The following ATAD2 variants were observed in gnomAD, a reference collection of about 807,000 sequenced individuals.
The protein encoded by ATAD2 is ATPase family AAA domain-containing protein 2.
Under a neutral mutation model 168.9 loss-of-function variants are expected in ATAD2, and 62 were observed. That is an observed-to-expected ratio of 0.37 (90% CI 0.30 to 0.45). The LOEUF (loss-of-function observed/expected upper bound fraction) is 0.45, where lower values mean the gene tolerates loss of function less well. ATAD2 is among the 20% of genes least tolerant of loss of function. ATAD2 has a pLI of 1.00. For missense variants in ATAD2, 1,419 were observed against 1,667.8 expected, an observed-to-expected ratio of 0.85 and a Z score of 2.60; for synonymous variants, 613 against 571.6, an observed-to-expected ratio of 1.07 and a Z score of -1.03.
upstream of ATAD2, among the ~76,000 whole-genome samples, chr8:123,396,771 C>A (rs972162246): frequency 6.6e-6 from 1 of 152,118 alleles, no homozygotes; most frequent in South Asian, 2.1e-4. Context: ...GGCCTCTGCG[C>A]GCTCTGATTG....
At chr8:123,350,921 C>T (rs189151324) in intron 13 of ATAD2, among the ~76,000 whole-genome samples, 4 of 151,400 alleles carry the variant, frequency 2.6e-5, no homozygotes, top group African/African-American at 7.3e-5. Flanking sequence ...TTAGTAGAGA[C>T]GAGATTTCAC....
At chr8:123,325,869 G>A (rs1220131759) in intron 26 of ATAD2, 24 bp downstream of exon 26, 5 of 1,611,724 alleles carry the variant, frequency 3.1e-6, no homozygotes, top group Non-Finnish European at 4.2e-6. Context: ...CAGAGTAAAA[G>A]CATTATGATT....
Position 123,372,634 on chromosome 8 carries a change from T to G in ATAD2, c.370+3A>C. Reference sequence around the variant, plus strand: ...GATCTGAAATGACTTTAACAGTACTTACCTTCTCTGTGCTCTTCTTTTTTT... The same window carrying G: ...GATCTGAAATGACTTTAACAGTACTGACCTTCTCTGTGCTCTTCTTTTTTT... On this transcript the variant is annotated splice_donor_region_variant and intron_variant, in intron 3 of 27. Transcript: ENST00000287394. 1 of 1,586,396 alleles carries G rather than the reference T, an allele frequency of 6.3e-7. No individual in the cohort carries two copies. The highest frequency in any genetic ancestry group is 1.7e-4 in the Middle Eastern group (1 of 5,946).
intron 19 of ATAD2, among the ~76,000 whole-genome samples, chr8:123,343,534 CT>C (rs1218309574): frequency 2.6e-5 from 4 of 152,102 alleles, no homozygotes; most frequent in African/African-American, 9.7e-5. Context: ...ATAAATATTT[CT>C]TTAGTAAGTA....
chr8:123,351,289 C>T (rs1828449597), intron 13 of ATAD2, among the ~76,000 whole-genome samples: 1 of 152,054 alleles, frequency 6.6e-6, no homozygotes, highest in Non-Finnish European at 1.5e-5. Flanking sequence ...TAAAGGTTTC[C>T]CAAATTAGCA....
At chr8:123,351,100 C>A (rs972998960) in intron 13 of ATAD2, among the ~76,000 whole-genome samples, 1 of 151,996 alleles carries the variant, frequency 6.6e-6, no homozygotes, top group Admixed American at 6.6e-5. Context: ...CAGGAAGATA[C>A]CACGTAATTC....
intron 19 of ATAD2, among the ~76,000 whole-genome samples, chr8:123,340,666 T>C (rs1828035267): frequency 6.6e-6 from 1 of 152,184 alleles, no homozygotes; most frequent in Admixed American, 6.5e-5. Context: ...AGATACAACA[T>C]GGATGAACTT....
In ATAD2 at chr8:123,349,184, G is replaced by A. The variant is rs368694549; in HGVS notation, c.1806+101C>T. ...GTTTACTATCATTTGACAAGACCAT[G>A]ATACAAAACTCAAGAATCTCCAAAT... On this transcript the variant is annotated intron_variant, in intron 14 of 27. Transcript: ENST00000287394. 1.1e-5 allele frequency: 13 copies of A among 1,203,030 alleles called. No homozygotes were observed. In the African/African-American group the frequency reaches 1.8e-4, roughly 17 times the overall value. 74.5% of individuals were successfully genotyped at this position (1,203,030 alleles called of 1,614,324 possible).
intron 13 of ATAD2, among the ~76,000 whole-genome samples, chr8:123,355,058 A>C (rs1438660636): frequency 6.6e-6 from 1 of 151,570 alleles, no homozygotes; most frequent in Non-Finnish European, 1.5e-5. Flanking sequence ...ATATAGTGTG[A>C]CTGATAATGA....
chr8:123,406,142 C>T (rs534100378), intron 1 of ATAD2, among the ~76,000 whole-genome samples: 29 of 152,056 alleles, frequency 1.9e-4, no homozygotes, highest in South Asian at 6.2e-4. Context: ...TTTGGAAGGC[C>T]GAGGCAGGCG....
chr8:123,322,814 T>A (rs962962869), intron 27 of ATAD2, 124 bp downstream of exon 27: 3 of 972,110 alleles, frequency 3.1e-6, no homozygotes, highest in Non-Finnish European at 4.3e-6. Context: ...AATAGAAAGA[T>A]GGTCTTTAAG....
chr8:123,325,074 A>G (rs1827572072), intron 26 of ATAD2, among the ~76,000 whole-genome samples: 1 of 146,548 alleles, frequency 6.8e-6, no homozygotes, highest in Non-Finnish European at 1.5e-5. Context: ...AATCTATTTT[A>G]TATTAAAAAA....
intron 20 of ATAD2, 152 bp from the exon 21 acceptor site, chr8:123,337,973 C>T (rs1827963591): frequency 5.3e-6 from 4 of 753,112 alleles, no homozygotes; most frequent in Non-Finnish European, 8.2e-6. Context: ...TTACCATAAT[C>T]TCTAACCCTA....
intron 2 of ATAD2, among the ~76,000 whole-genome samples, chr8:123,379,999 G>A (rs1829446835): frequency 6.6e-6 from 1 of 151,084 alleles, no homozygotes; most frequent in Non-Finnish European, 1.5e-5. Flanking sequence ...TGATTATCCT[G>A]CCTCAGCCTC....
chr8:123,345,010 C>T lies in ATAD2; in HGVS notation c.2592G>A (p.Val864=). ...GTGTCGGTCCAACTATTTCCCACCACACGTGGATATGAGGAACATACACTA... is the reference window on the plus strand; with the variant it reads ...GTGTCGGTCCAACTATTTCCCACCATACGTGGATATGAGGAACATACACTA... ...PSIVYVPHIH[V]WWEIVGPTLK... is the part of the protein sequence containing the mutation. Residue 864 remains valine, a synonymous_variant, in exon 19 of 28, where the codon GTG becomes GTA. Coordinates refer to ENST00000287394, the MANE Select transcript of ATAD2 (RefSeq NM_014109.4). 1 of 1,614,048 alleles carries T rather than the reference C, an allele frequency of 6.2e-7. No homozygotes were observed. Among genetic ancestry groups the T allele is most frequent in the Non-Finnish European group, 8.5e-7 (1 of 1,179,956 alleles).
At position 123,406,794 on chromosome 8, in the gene ATAD2, G is replaced by A. The variant is rs137857456; in HGVS notation, c.-2281-5619C>T. Among the ~76,000 whole-genome samples the A allele has an allele frequency of 2.0e-3, 286 of 143,388 alleles. 2 individuals are homozygous for A. Among genetic ancestry groups the A allele is most frequent in the East Asian group, 0.015 (70 of 4,760 alleles). The allele number at this position is 143,388 out of a possible 152,430, so 94.1% of individuals were successfully genotyped here. On this transcript the variant is annotated intron_variant, in intron 1 of 28. Transcript: ENST00000521903. Reference sequence around the variant, plus strand: ...ATCTCGCCACTGCACTTTAGCCTGGGTGATAGAGTGAGACCCTGTCTCAAA... The same window carrying A: ...ATCTCGCCACTGCACTTTAGCCTGGATGATAGAGTGAGACCCTGTCTCAAA...
chr8:123,378,893 G>C (rs1829407061), intron 2 of ATAD2, among the ~76,000 whole-genome samples: 1 of 151,580 alleles, frequency 6.6e-6, no homozygotes, highest in South Asian at 2.1e-4. Flanking sequence ...CCCAGCTCAA[G>C]TGATCCTCCT....
chr8:123,401,481 G>A lies in ATAD2; in HGVS notation c.-2281-306C>T, dbSNP rs1257812620. 10 of 1,570,154 alleles carry A rather than the reference G, an allele frequency of 6.4e-6. No individual in the cohort carries two copies. The African/African-American group carries it at 9.5e-5, about 15-fold the overall frequency. ...CCACCTCCAGGTGATTGGGGGGAAC[G>A]TGGTGACAGCAGCCCAGGCCAAGAA... On this transcript the variant is annotated intron_variant, in intron 1 of 28. Transcript: ENST00000521903.
rs754909018 is a variant in ATAD2 at position 123,359,665 on chromosome 8, C to T, written c.1178G>A (p.Arg393Gln). ...AINRCLPLNF[R>Q]KDELKGIYKD... ...ATAAATGCCTTTTAATTCATCTTTC[C>T]GAAAATTTAGTGGGAGGCACCTATT... is the stretch of plus-strand genomic sequence containing the variant. Residue 393 changes from arginine (R) to glutamine (Q), a missense_variant, in exon 10 of 28, where the codon CGG (arginine) becomes CAG (glutamine). Arg to Gln is a conservative substitution (Grantham distance 43). Coordinates refer to ENST00000287394, the MANE Select transcript of ATAD2 (RefSeq NM_014109.4). The T allele has an allele frequency of 3.1e-6, 5 of 1,611,700 alleles. No individual in the cohort carries two copies. The highest frequency in any genetic ancestry group is 2.2e-5 in the East Asian group (1 of 44,800).
Sources: allele counts gnomAD v4.1 joint callset (sites outside exome capture counted in the v4.1 genomes callset), GRCh38; gene constraint gnomAD v4.1.1; transcripts MANE v1.5; gene names NCBI Gene and HGNC (gene_info 2026-07-23, HGNC 2026-07-21).